Variants in SPIDR observed in about 807,000 individuals in gnomAD.
SPIDR encodes the protein scaffold protein involved in DNA repair, also known as DNA repair-scaffolding protein.
Under a neutral mutation model 104.6 loss-of-function variants are expected in SPIDR, and 93 were observed. The observed-to-expected ratio is 0.89, with a 90% CI of 0.75 to 1.06. SPIDR has a LOEUF of 1.06. SPIDR is among the 50% of genes least tolerant of loss of function. SPIDR has a pLI of 0.00. For synonymous variants in SPIDR, 431 were observed against 416.9 expected, an observed-to-expected ratio of 1.03 and a Z score of -0.41; for missense variants, 1,154 against 1,111.2, an observed-to-expected ratio of 1.04 and a Z score of -0.55.
chr8:47,606,036 C>T (rs1436435457), intron 10 of SPIDR, among the ~76,000 whole-genome samples: 1 of 152,144 alleles, frequency 6.6e-6, no homozygotes, highest in Non-Finnish European at 1.5e-5. Flanking sequence ...GGAGTTGATG[C>T]CCATTTACTT....
chr8:47,718,340 G>T (rs1395191795), intron 16 of SPIDR, among the ~76,000 whole-genome samples: 2 of 152,080 alleles, frequency 1.3e-5, no homozygotes, highest in Non-Finnish European at 2.9e-5. Flanking sequence ...TGCTCTGATT[G>T]GTTCATGTAT....
chr8:47,674,027 T>A lies in SPIDR; in HGVS notation c.1685+86T>A. 4 of 1,475,654 alleles carry A rather than the reference T, an allele frequency of 2.7e-6. No individual in the cohort carries two copies. The South Asian group carries it at 5.6e-5, about 21-fold the overall frequency. 91.4% of individuals were successfully genotyped at this position (1,475,654 alleles called of 1,614,324 possible). A position where few individuals can be genotyped will look rare whatever the true frequency, so the allele number is the denominator to read the frequency against. The stretch of plus-strand genomic sequence containing the variant: ...TTTGTCTCTAATTTTATTTTTAAAA[T>A]TAAAAGGCAATAAACCAGGATCCTA... On this transcript the variant is annotated intron_variant, in intron 11 of 19. Transcript: ENST00000297423.
chr8:47,605,747 G>A (rs2062854345), intron 10 of SPIDR, among the ~76,000 whole-genome samples: 1 of 152,164 alleles, frequency 6.6e-6, no homozygotes, highest in African/African-American at 2.4e-5. Context: ...GAAGTACTCA[G>A]CAGGATGCTT....
At chr8:47,538,709 A>T in intron 8 of SPIDR, among the ~76,000 whole-genome samples, 1 of 152,212 alleles carries the variant, frequency 6.6e-6, no homozygotes, top group Non-Finnish European at 1.5e-5. Context: ...TGCTTTATAA[A>T]ATAGAGAGTA....
intron 7 of SPIDR, among the ~76,000 whole-genome samples, chr8:47,424,365 C>A (rs546146421): frequency 2.0e-5 from 3 of 152,138 alleles, no homozygotes; most frequent in Non-Finnish European, 2.9e-5. Context: ...AGTACAGTGG[C>A]ACCATCACAA....
intron 5 of SPIDR, among the ~76,000 whole-genome samples, chr8:47,304,968 G>A (rs1554580621): frequency 2.6e-5 from 4 of 152,140 alleles, no homozygotes; most frequent in Non-Finnish European, 2.9e-5. Context: ...CTCACTTGTC[G>A]TTCTGCTTTC....
At chr8:47,348,289 G>C (rs1452481738) in intron 5 of SPIDR, among the ~76,000 whole-genome samples, 2 of 152,180 alleles carry the variant, frequency 1.3e-5, no homozygotes, top group Non-Finnish European at 1.5e-5. Context: ...ACTCTCTTCT[G>C]ACTTGCAGAG....
intron 14 of SPIDR, among the ~76,000 whole-genome samples, chr8:47,704,497 G>C (rs906198053): frequency 6.6e-6 from 1 of 152,054 alleles, no homozygotes; most frequent in East Asian, 1.9e-4. Context: ...CGGTCCCTCA[G>C]TTACCTGGTG....
chr8:47,624,855 G>C (rs2065792268), intron 10 of SPIDR, among the ~76,000 whole-genome samples: 1 of 152,086 alleles, frequency 6.6e-6, no homozygotes, highest in Non-Finnish European at 1.5e-5. Flanking sequence ...CCAATCAATA[G>C]AAAAAGAGGG....
At chr8:47,287,198 AAGG>A (rs2039010617) in intron 3 of SPIDR, among the ~76,000 whole-genome samples, 1 of 150,658 alleles carries the variant, frequency 6.6e-6, no homozygotes, top group Admixed American at 6.6e-5. Flanking sequence ...AAAGGGCAAA[AAGG>A]AGAACAAAGA....
chr8:47,591,826 C>A (rs2154419636), intron 8 of SPIDR, among the ~76,000 whole-genome samples: 1 of 152,186 alleles, frequency 6.6e-6, no homozygotes, highest in African/African-American at 2.4e-5. Flanking sequence ...CTGCAGCTAA[C>A]CGGACAACTA....
At chr8:47,567,883 T>C (rs58965290) in intron 8 of SPIDR, among the ~76,000 whole-genome samples, 2,694 of 142,686 alleles carry the variant, frequency 0.019, 83 homozygotes, top group African/African-American at 0.067. Flanking sequence ...CTTCCTGGGC[T>C]CAAGCATCCT....
At chr8:47,349,419 G>C (rs2052938483) in intron 5 of SPIDR, among the ~76,000 whole-genome samples, 1 of 152,202 alleles carries the variant, frequency 6.6e-6, no homozygotes, top group Non-Finnish European at 1.5e-5. Flanking sequence ...AGGCTGCTTG[G>C]GGGTCAGGGA....
At chr8:47,463,588 G>A (rs2154354167) in intron 8 of SPIDR, among the ~76,000 whole-genome samples, 1 of 152,154 alleles carries the variant, frequency 6.6e-6, no homozygotes, top group Middle Eastern at 3.4e-3. Flanking sequence ...CTGGAGACCA[G>A]TATCCCTGAT....
chr8:47,296,140 ATTGAG>A (rs1352805198), intron 5 of SPIDR, among the ~76,000 whole-genome samples: 7 of 152,068 alleles, frequency 4.6e-5, no homozygotes. Context: ...TTTTCTTGCT[ATTGAG>A]TTGAGTTCTT....
chr8:47,366,334 T>C (rs1455926359), intron 5 of SPIDR, among the ~76,000 whole-genome samples: 1 of 151,996 alleles, frequency 6.6e-6, no homozygotes. Flanking sequence ...ATGAGGAGCT[T>C]GGATAGCTGT....
At chr8:47,485,209 A>C (rs1403400316) in intron 8 of SPIDR, among the ~76,000 whole-genome samples, 1 of 152,242 alleles carries the variant, frequency 6.6e-6, no homozygotes, top group Non-Finnish European at 1.5e-5. Context: ...TATCCCGTGC[A>C]AGGCTCGGAG....
At chr8:47,425,113 TCATCCAGATGAAAA>T (rs2066216937) in intron 7 of SPIDR, among the ~76,000 whole-genome samples, 2 of 152,234 alleles carry the variant, frequency 1.3e-5, no homozygotes, top group Non-Finnish European at 2.9e-5. Flanking sequence ...TGTTTTTCAA[TCATCCAGATGAAAA>T]TTTTATATAT....
chr8:47,304,396 G>C (rs2042768117), intron 5 of SPIDR, among the ~76,000 whole-genome samples: 1 of 152,130 alleles, frequency 6.6e-6, no homozygotes, highest in African/African-American at 2.4e-5. Flanking sequence ...GTCAGGCACT[G>C]TGTCTCCTGC....
Sources: allele counts gnomAD v4.1 joint callset (sites outside exome capture counted in the v4.1 genomes callset), GRCh38; gene constraint gnomAD v4.1.1; transcripts MANE v1.5; gene names NCBI Gene and HGNC (gene_info 2026-07-23, HGNC 2026-07-21).